The following DCC variants were observed in gnomAD, a reference collection of about 807,000 sequenced individuals.
DCC encodes DCC netrin 1 receptor.
Under a neutral mutation model 172.5 loss-of-function variants are expected in DCC, and 58 were observed. The observed-to-expected ratio is 0.34, with a 90% CI of 0.27 to 0.42. The LOEUF (loss-of-function observed/expected upper bound fraction) is 0.42, where lower values mean the gene tolerates loss of function less well. Among genes scored for constraint, DCC ranks in the 10% least tolerant of loss-of-function variants. The pLI is 1.00. For missense variants in DCC, 1,740 were observed against 1,791.0 expected, an observed-to-expected ratio of 0.97 and a Z score of 0.51; for synonymous variants, 709 against 644.5, an observed-to-expected ratio of 1.10 and a Z score of -1.52.
intron 1 of DCC, among the ~76,000 whole-genome samples, chr18:52,588,509 T>G (rs2033726762): frequency 6.6e-6 from 1 of 152,210 alleles, no homozygotes; most frequent in Non-Finnish European, 1.5e-5. Context: ...CTGCCTACTC[T>G]CACATTTCTT....
chr18:52,865,098 C>T (rs1431422577), intron 2 of DCC, among the ~76,000 whole-genome samples: 2 of 152,092 alleles, frequency 1.3e-5, no homozygotes, highest in East Asian at 1.9e-4. Context: ...ATCTCCTGAC[C>T]TCGTGATCCT....
At chr18:52,413,216 T>C (rs2144408280) in intron 1 of DCC, among the ~76,000 whole-genome samples, 1 of 151,632 alleles carries the variant, frequency 6.6e-6, no homozygotes, top group Admixed American at 6.6e-5. Flanking sequence ...CATAGAAGTG[T>C]TTGTTAAATA....
chr18:53,455,533 A>G (rs968327607), intron 23 of DCC, among the ~76,000 whole-genome samples: 1 of 152,252 alleles, frequency 6.6e-6, no homozygotes, highest in Non-Finnish European at 1.5e-5. Flanking sequence ...ACAGAACCAG[A>G]GAAGAAGCTT....
intron 1 of DCC, among the ~76,000 whole-genome samples, chr18:52,427,827 C>CCTTT (rs1568165703): frequency 2.3e-5 from 2 of 85,330 alleles, no homozygotes; most frequent in African/African-American, 1.0e-4. Flanking sequence ...TTCCTTCCTT[C>CCTTT]CTTCCTTTCT....
chr18:53,510,968 G>C (rs1453982043), intron 27 of DCC, among the ~76,000 whole-genome samples: 1 of 152,132 alleles, frequency 6.6e-6, no homozygotes, highest in African/African-American at 2.4e-5. Flanking sequence ...TTTTGTCTAA[G>C]AAAGAACATA....
At chr18:52,907,230 T>C (rs374850958) in intron 3 of DCC, among the ~76,000 whole-genome samples, 8 of 47,998 alleles carry the variant, frequency 1.7e-4, no homozygotes, top group Non-Finnish European at 4.3e-4. Flanking sequence ...TCATATATAC[T>C]TGATAGATAT....
At chr18:53,030,249 A>T (rs562937490) in intron 5 of DCC, among the ~76,000 whole-genome samples, 1 of 152,200 alleles carries the variant, frequency 6.6e-6, no homozygotes, top group Admixed American at 6.5e-5. Context: ...ACCTTGCTAG[A>T]ATAAGAGAGA....
chr18:52,541,207 A>C (rs368465353), intron 1 of DCC, among the ~76,000 whole-genome samples: 1 of 152,166 alleles, frequency 6.6e-6, no homozygotes, highest in African/African-American at 2.4e-5. Flanking sequence ...TTTCTAGTGC[A>C]GTGTTCCTCT....
rs1165867473 is a variant in DCC at position 52,497,306 on chromosome 18, TATATATATAC to T, written c.91+156430_91+156439del. Among the ~76,000 whole-genome samples, 16 of 91,116 alleles carry T rather than the reference TATATATATAC, an allele frequency of 1.8e-4. 2 individuals are homozygous for T. The South Asian group carries it at 2.2e-3, about 13-fold the overall frequency. 59.8% of individuals were successfully genotyped at this position (91,116 alleles called of 152,430 possible). On this transcript the variant is annotated intron_variant, in intron 1 of 28. Transcript: ENST00000442544. ...ATATATATATATATATATATATATATATATATATACACACACACATATATATACACACGTA... is the reference window on the plus strand; with the variant it reads ...ATATATATATATATATATATATATATACACACACATATATATACACACGTA...
chr18:52,484,208 T>A (rs2030095103), intron 1 of DCC, among the ~76,000 whole-genome samples: 1 of 152,164 alleles, frequency 6.6e-6, no homozygotes, highest in South Asian at 2.1e-4. Context: ...ACCATCCTGC[T>A]CAAAGGTAAT....
intron 8 of DCC, among the ~76,000 whole-genome samples, chr18:53,165,607 C>G (rs1458612255): frequency 6.6e-6 from 1 of 152,130 alleles, no homozygotes; most frequent in East Asian, 1.9e-4. Context: ...GGCCCTGTAC[C>G]TCAAAGTGTT....
chr18:53,120,136 G>A (rs114451561), intron 7 of DCC, among the ~76,000 whole-genome samples: 3,312 of 151,660 alleles, frequency 0.022, 122 homozygotes, highest in African/African-American at 0.075. Flanking sequence ...ATCTCTATGC[G>A]TAAATATCAA....
intron 1 of DCC, among the ~76,000 whole-genome samples, chr18:52,506,094 C>A (rs2031220325): frequency 2.0e-5 from 3 of 151,668 alleles, no homozygotes; most frequent in Admixed American, 2.0e-4. Context: ...TGCCAAATTC[C>A]CATAGGAAAA....
intron 5 of DCC, among the ~76,000 whole-genome samples, chr18:53,000,866 A>G (rs2041555010): frequency 6.6e-6 from 1 of 152,022 alleles, no homozygotes; most frequent in Admixed American, 6.6e-5. Context: ...TATATTAAAA[A>G]CAAGGTAAGA....
intron 5 of DCC, among the ~76,000 whole-genome samples, chr18:52,970,533 C>A (rs1225380026): frequency 6.6e-6 from 1 of 152,010 alleles, no homozygotes; most frequent in Non-Finnish European, 1.5e-5. Flanking sequence ...AAGTGTAAAC[C>A]TAAAGACATA....
chr18:52,418,637 T>C (rs1987130401), intron 1 of DCC, among the ~76,000 whole-genome samples: 1 of 151,990 alleles, frequency 6.6e-6, no homozygotes, highest in South Asian at 2.1e-4. Context: ...TCCTATACAG[T>C]CACAAGCAGT....
intron 1 of DCC, chr18:52,419,336 G>C (rs1365088702): frequency 6.6e-6 from 1 of 152,098 alleles, no homozygotes. Flanking sequence ...TGGCCTGCAA[G>C]ATATTCAGAA....
At position 53,349,828 on chromosome 18, in the gene DCC, G is replaced by A. The variant is rs189081684; in HGVS notation, c.2359+9921G>A. Among the ~76,000 whole-genome samples the A allele has an allele frequency of 2.8e-4, 43 of 152,288 alleles. 1 individual carries two copies. Among genetic ancestry groups the A allele is most frequent in the South Asian group, 8.3e-4 (4 of 4,822 alleles). ...CCACAAACCAGGTTCCTCCCATGAC[G>A]TGGGAATTGTGGGAGTTACAAGTCA... On this transcript the variant is annotated intron_variant, in intron 15 of 28. Coordinates refer to ENST00000442544, the MANE Select transcript of DCC (RefSeq NM_005215.4).
intron 5 of DCC, among the ~76,000 whole-genome samples, chr18:52,950,698 G>T (rs1220363028): frequency 1.3e-5 from 2 of 151,974 alleles, no homozygotes; most frequent in African/African-American, 4.8e-5. Context: ...GCCGAGGGGG[G>T]TGGATCACGA....
Sources: allele counts gnomAD v4.1 joint callset (sites outside exome capture counted in the v4.1 genomes callset), GRCh38; gene constraint gnomAD v4.1.1; transcripts MANE v1.5; gene names NCBI Gene and HGNC (gene_info 2026-07-23, HGNC 2026-07-21).